Variants in RTN1 observed in about 807,000 individuals in gnomAD.
The protein encoded by RTN1 is reticulon-1.
RTN1 carries 25 observed loss-of-function variants against 65.5 expected under a neutral mutation model. The ratio of observed to expected loss-of-function variants is 0.38; its 90% confidence interval spans 0.28 to 0.53. The LOEUF (loss-of-function observed/expected upper bound fraction) is 0.53. Ranked by LOEUF, RTN1 falls within the 20% of genes least tolerant of loss-of-function variation. The probability of loss-of-function intolerance (pLI) is 0.79; values close to 1 mark genes in which losing one functional copy is unlikely to be tolerated. For synonymous variants in RTN1, 471 were observed against 447.6 expected, an observed-to-expected ratio of 1.05 and a Z score of -0.66; for missense variants, 983 against 1,025.4, an observed-to-expected ratio of 0.96 and a Z score of 0.57.
At chr14:59,693,821 A>C (rs1486571544) in intron 3 of RTN1, among the ~76,000 whole-genome samples, 1 of 152,204 alleles carries the variant, frequency 6.6e-6, no homozygotes. Flanking sequence ...GTTTGAGACA[A>C]TGTTGCTACA....
intron 1 of RTN1, among the ~76,000 whole-genome samples, chr14:59,765,002 A>T (rs7152305): frequency 0.088 from 13,374 of 152,174 alleles, 1,817 homozygotes; most frequent in African/African-American, 0.29. Flanking sequence ...GATTTTTTGA[A>T]GTGATCATTG....
intron 1 of RTN1, among the ~76,000 whole-genome samples, chr14:59,865,490 T>C (rs1392066618): frequency 6.6e-6 from 1 of 152,198 alleles, no homozygotes; most frequent in Non-Finnish European, 1.5e-5. Flanking sequence ...AACTTAAGAA[T>C]CACTGTCCAT....
intron 3 of RTN1, among the ~76,000 whole-genome samples, chr14:59,695,202 C>T (rs916365053): frequency 6.6e-6 from 1 of 152,080 alleles, no homozygotes. Flanking sequence ...AAGCTCAGAC[C>T]ATAATCCCAG....
intron 2 of RTN1, among the ~76,000 whole-genome samples, chr14:59,737,501 AG>A (rs1885024821): frequency 6.6e-6 from 1 of 152,180 alleles, no homozygotes; most frequent in Admixed American, 6.5e-5. Context: ...AACTGCCCAA[AG>A]AAATCAGAGA....
At chr14:59,611,132 T>G (rs548929527) in intron 3 of RTN1, among the ~76,000 whole-genome samples, 2 of 152,338 alleles carry the variant, frequency 1.3e-5, no homozygotes, top group East Asian at 1.9e-4. Flanking sequence ...CTTTCTCCAT[T>G]GCAATTCCCC....
intron 1 of RTN1, among the ~76,000 whole-genome samples, chr14:59,819,785 G>A (rs545413696): frequency 1.3e-5 from 2 of 152,238 alleles, no homozygotes; most frequent in South Asian, 2.1e-4. Context: ...TGGGGGACCC[G>A]GTGCATCCTA....
intron 3 of RTN1, among the ~76,000 whole-genome samples, chr14:59,608,105 T>C (rs1044862026): frequency 1.3e-5 from 2 of 152,160 alleles, no homozygotes; most frequent in Non-Finnish European, 2.9e-5. Context: ...TCATAGTGCT[T>C]CAAATGTCAT....
chr14:59,687,648 A>G (rs1216588495), intron 3 of RTN1, among the ~76,000 whole-genome samples: 4 of 151,790 alleles, frequency 2.6e-5, no homozygotes, highest in Non-Finnish European at 5.9e-5. Flanking sequence ...GTGCAGACAC[A>G]AGTTCAAAGA....
intron 3 of RTN1, among the ~76,000 whole-genome samples, chr14:59,662,254 G>A (rs1176938161): frequency 3.3e-5 from 5 of 151,302 alleles, no homozygotes; most frequent in Non-Finnish European, 5.9e-5. Context: ...TTGGTGTGCT[G>A]CACCCATTAA....
intron 2 of RTN1, among the ~76,000 whole-genome samples, chr14:59,732,745 C>T (rs950397084): frequency 2.6e-5 from 4 of 152,198 alleles, no homozygotes; most frequent in Non-Finnish European, 5.9e-5. Context: ...AACAAATATG[C>T]CTGCAACTTA....
At chr14:59,676,295 G>A (rs1883625998) in intron 3 of RTN1, among the ~76,000 whole-genome samples, 1 of 152,202 alleles carries the variant, frequency 6.6e-6, no homozygotes, top group African/African-American at 2.4e-5. Context: ...TGTCTTATGT[G>A]TATAGCTGAT....
At chr14:59,673,326 T>G (rs1248708457) in intron 3 of RTN1, among the ~76,000 whole-genome samples, 1 of 151,484 alleles carries the variant, frequency 6.6e-6, no homozygotes, top group East Asian at 1.9e-4. Flanking sequence ...TGGGAGGGAG[T>G]GGTACCCAGT....
intron 3 of RTN1, among the ~76,000 whole-genome samples, chr14:59,676,974 T>A (rs1227932246): frequency 6.6e-6 from 1 of 152,186 alleles, no homozygotes; most frequent in Non-Finnish European, 1.5e-5. Context: ...AACAGATTGA[T>A]CATTGTCAGT....
chr14:59,682,049 T>C (rs1043402557), intron 3 of RTN1, among the ~76,000 whole-genome samples: 6 of 152,224 alleles, frequency 3.9e-5, no homozygotes, highest in Admixed American at 3.3e-4. Flanking sequence ...TTTAAGAAGC[T>C]AGAAGATCCA....
intron 3 of RTN1, among the ~76,000 whole-genome samples, chr14:59,682,177 T>C (rs972938408): frequency 1.3e-5 from 2 of 152,154 alleles, no homozygotes; most frequent in African/African-American, 2.4e-5. Context: ...TCACATGCTA[T>C]TTCACCCTTT....
In RTN1 at chr14:59,748,218, T is replaced by TC. The variant is rs1366671129; in HGVS notation, c.242-1738_242-1737insG. 2.0e-5 allele frequency among the ~76,000 whole-genome samples: 3 copies of TC among 151,616 alleles called. No individual in the cohort carries two copies. The East Asian group carries it at 5.8e-4, about 29-fold the overall frequency. The stretch of plus-strand genomic sequence containing the variant: ...TTAAGTCAGTCTGTGAGGTTTTTTT[T>TC]TTTTTTTTTTCCGGGAATATTTACT... On this transcript the variant is annotated intron_variant, in intron 1 of 8. Coordinates refer to ENST00000267484, the MANE Select transcript of RTN1 (RefSeq NM_021136.3).
chr14:59,597,056 T>C (rs1881423570), intron 8 of RTN1, among the ~76,000 whole-genome samples: 2 of 152,332 alleles, frequency 1.3e-5, no homozygotes, highest in Middle Eastern at 3.4e-3. Flanking sequence ...TATTGACTTA[T>C]TTCAGGATTA....
At position 59,782,021 on chromosome 14, in the gene RTN1, C is replaced by T. The variant is rs183368142; in HGVS notation, c.242-35540G>A. 3.4e-3 allele frequency among the ~76,000 whole-genome samples: 519 copies of T among 152,162 alleles called. 12 individuals are homozygous for T. The highest frequency in any genetic ancestry group is 0.033 in the Admixed American group (510 of 15,276). On this transcript the variant is annotated intron_variant, in intron 1 of 8. Transcript: ENST00000267484. ...GGTGATGAGATCATGATAAAGGCAG[C>T]TTCATGAATGGGATTAGTGCCCTTT...
chr14:59,621,931 G>A (rs996596053), intron 3 of RTN1, among the ~76,000 whole-genome samples: 18 of 152,204 alleles, frequency 1.2e-4, no homozygotes, highest in African/African-American at 4.3e-4. Context: ...ATAATTATCT[G>A]CATTATGGTA....
Sources: gnomAD v4.1 joint callset for allele counts (sites outside exome capture counted in the v4.1 genomes callset) on GRCh38, gnomAD v4.1.1 for gene constraint, MANE v1.5 for transcripts, NCBI Gene and HGNC (gene_info 2026-07-23, HGNC 2026-07-21) for gene names.